The following UNC13C variants were observed in gnomAD, a reference collection of about 807,000 sequenced individuals.
UNC13C encodes unc-13 homolog C.
A neutral mutation model predicts 245.4 loss-of-function variants in UNC13C; 174 were observed. That is an observed-to-expected ratio of 0.71 (90% CI 0.63 to 0.80). The LOEUF (loss-of-function observed/expected upper bound fraction) is 0.80. Ranked by LOEUF, UNC13C falls within the 30% of genes least tolerant of loss-of-function variation. UNC13C has a pLI of 0.00. For missense variants in UNC13C, 2,829 were observed against 2,602.9 expected, an observed-to-expected ratio of 1.09 and a Z score of -1.89; for synonymous variants, 992 against 895.1, an observed-to-expected ratio of 1.11 and a Z score of -1.93.
intron 2 of UNC13C, among the ~76,000 whole-genome samples, chr15:54,085,020 T>C (rs1028387883): frequency 1.3e-5 from 2 of 152,206 alleles, no homozygotes; most frequent in Admixed American, 1.3e-4. Flanking sequence ...TTTTATAGAA[T>C]AAATGGTTCA....
At chr15:54,172,262 G>A (rs11852494) in intron 4 of UNC13C, among the ~76,000 whole-genome samples, 25,326 of 151,922 alleles carry the variant, frequency 0.17, 2,608 homozygotes, top group East Asian at 0.24. Flanking sequence ...TAATTGGATT[G>A]TTTGTAACAC....
At chr15:54,474,519 T>C (rs1026822041) in intron 19 of UNC13C, among the ~76,000 whole-genome samples, 2 of 151,976 alleles carry the variant, frequency 1.3e-5, no homozygotes, top group Admixed American at 6.6e-5. Flanking sequence ...TTTAATGTAA[T>C]TATTTGTTGT....
chr15:54,343,514 C>G (rs1356947631), intron 17 of UNC13C, among the ~76,000 whole-genome samples: 2 of 152,202 alleles, frequency 1.3e-5, no homozygotes, highest in African/African-American at 4.8e-5. Flanking sequence ...CCAAACTGCT[C>G]TGCTCTCATG....
intron 30 of UNC13C, among the ~76,000 whole-genome samples, chr15:54,619,748 A>T (rs970329126): frequency 6.6e-6 from 1 of 152,144 alleles, no homozygotes; most frequent in Non-Finnish European, 1.5e-5. Context: ...CAAATATTTA[A>T]TTGTCCACGT....
At chr15:54,352,761 G>C (rs2039013001) in intron 17 of UNC13C, among the ~76,000 whole-genome samples, 1 of 151,994 alleles carries the variant, frequency 6.6e-6, no homozygotes, top group Non-Finnish European at 1.5e-5. Flanking sequence ...ATGGATAATG[G>C]AATCTCACCA....
At chr15:54,367,721 G>C (rs923175593) in intron 17 of UNC13C, among the ~76,000 whole-genome samples, 1 of 152,084 alleles carries the variant, frequency 6.6e-6, no homozygotes, top group Non-Finnish European at 1.5e-5. Flanking sequence ...TCTAGTCTCA[G>C]TTAAATCTTG....
intron 19 of UNC13C, among the ~76,000 whole-genome samples, chr15:54,475,177 C>T (rs2141050103): frequency 6.6e-6 from 1 of 151,934 alleles, no homozygotes; most frequent in East Asian, 1.9e-4. Context: ...TTGCCTAGAC[C>T]AGTGTTCTGA....
intron 30 of UNC13C, among the ~76,000 whole-genome samples, chr15:54,601,033 A>T (rs1899385992): frequency 6.6e-6 from 1 of 150,670 alleles, no homozygotes; most frequent in Middle Eastern, 3.2e-3. Flanking sequence ...GAAAGTTTAC[A>T]AATTTGAGTT....
At chr15:54,555,541 T>C (rs772144894) in intron 29 of UNC13C, 29 bp downstream of exon 29, 1 of 1,556,642 alleles carries the variant, frequency 6.4e-7, no homozygotes, top group South Asian at 1.2e-5. Context: ...TATATATACA[T>C]CGAGAGAGGC....
At chr15:54,197,116 A>G (rs553441958) in intron 4 of UNC13C, among the ~76,000 whole-genome samples, 4 of 152,302 alleles carry the variant, frequency 2.6e-5, no homozygotes, top group African/African-American at 7.2e-5. Context: ...CAAAACTTTC[A>G]TTATTAGCAG....
At chr15:54,372,900 A>T (rs1276414716) in intron 17 of UNC13C, among the ~76,000 whole-genome samples, 2 of 152,230 alleles carry the variant, frequency 1.3e-5, no homozygotes, top group Non-Finnish European at 2.9e-5. Context: ...TTAAAAATTT[A>T]AAAATAAATT....
chr15:53,911,054 T>G, the UNC13C span: 3 of 152,212 alleles, frequency 2.0e-5, no homozygotes, highest in East Asian at 3.9e-4. Context: ...CTCCTGCAAG[T>G]GTGCGAGCAC....
intron 17 of UNC13C, among the ~76,000 whole-genome samples, chr15:54,365,304 T>C (rs1187930662): frequency 2.0e-5 from 3 of 152,188 alleles, no homozygotes; most frequent in Non-Finnish European, 2.9e-5. Flanking sequence ...CCTCTCATTT[T>C]CATAGCACCT....
At chr15:54,310,623 A>G (rs1421849027) in intron 13 of UNC13C, among the ~76,000 whole-genome samples, 1 of 151,736 alleles carries the variant, frequency 6.6e-6, no homozygotes, top group Non-Finnish European at 1.5e-5. Flanking sequence ...TCTAGAAGTG[A>G]TGAAGTCACT....
chr15:54,295,519 C>A (rs925713475), intron 11 of UNC13C, among the ~76,000 whole-genome samples: 1 of 151,950 alleles, frequency 6.6e-6, no homozygotes, highest in Admixed American at 6.6e-5. Context: ...AGCATGGTGC[C>A]ATGTGCCTGT....
intron 2 of UNC13C, among the ~76,000 whole-genome samples, chr15:54,137,415 G>A (rs575884701): frequency 1.3e-5 from 2 of 152,180 alleles, no homozygotes; most frequent in South Asian, 4.2e-4. Flanking sequence ...GAGAAATACT[G>A]GTGTTAAATC....
Position 54,300,251 on chromosome 15 carries a change from A to G in UNC13C, c.4146A>G (p.Gly1382=). The part of the protein sequence containing the change: ...HYLTEVKSNG[G]VKIPEVKGDE... ...TGACTGAAGTGAAATCTAATGGTGG[A>G]GTGAAAATCCCAGAAGTCAAAGGGG... Residue 1382 remains glycine, a synonymous_variant, in exon 13 of 33, where the codon GGA becomes GGG. Coordinates refer to ENST00000260323, the MANE Select transcript of UNC13C (RefSeq NM_001080534.3). 6.3e-7 allele frequency: 1 copy of G among 1,599,942 alleles called. No homozygotes were observed. Among genetic ancestry groups the G allele is most frequent in the Non-Finnish European group, 8.5e-7 (1 of 1,172,584 alleles).
the UNC13C span, among the ~76,000 whole-genome samples, chr15:53,894,546 C>G: frequency 1.3e-5 from 2 of 152,150 alleles, no homozygotes; most frequent in African/African-American, 2.4e-5. Flanking sequence ...CTGGCACAGT[C>G]ACTTTCCCCT....
chr15:54,250,522 C>T, intron 8 of UNC13C, 78 bp downstream of exon 8: 2 of 1,349,278 alleles, frequency 1.5e-6, no homozygotes, highest in Admixed American at 2.6e-5. Flanking sequence ...ATCACTTCAA[C>T]TCTTGCTGGT....
Sources: gnomAD v4.1 joint callset for allele counts (sites outside exome capture counted in the v4.1 genomes callset) on GRCh38, gnomAD v4.1.1 for gene constraint, MANE v1.5 for transcripts, NCBI Gene and HGNC (gene_info 2026-07-23, HGNC 2026-07-21) for gene names.